The following SLC66A2 variants were observed in gnomAD, a reference collection of about 807,000 sequenced individuals.
SLC66A2 encodes the protein PQ loop repeat containing 1.
A neutral mutation model predicts 25.5 loss-of-function variants in SLC66A2; 23 were observed. That is an observed-to-expected ratio of 0.90 (90% CI 0.65 to 1.28). SLC66A2 has a LOEUF of 1.28. Among genes scored for constraint, SLC66A2 ranks in the 50% most tolerant of loss-of-function variants. The pLI, the probability that SLC66A2 is intolerant of heterozygous loss-of-function variation, is 0.00. For missense variants in SLC66A2, 396 were observed against 373.1 expected (o/e 1.06, Z -0.51); for synonymous variants, 193 against 166.5 (o/e 1.16, Z -1.23).
intron 2 of SLC66A2, among the ~76,000 whole-genome samples, chr18:79,949,145 G>A (rs1443625217): frequency 1.3e-5 from 2 of 152,154 alleles, no homozygotes; most frequent in Non-Finnish European, 2.9e-5. Context: ...TGGGGAAGAG[G>A]CAGCCAACCC....
intron 4 of SLC66A2, among the ~76,000 whole-genome samples, chr18:79,922,791 C>T (rs905577882): frequency 2.9e-5 from 3 of 104,774 alleles, no homozygotes; most frequent in African/African-American, 7.0e-5. Flanking sequence ...GCGGTGAGGT[C>T]GAGGGGGTTG....
intron 4 of SLC66A2, 28 bp from the exon 5 acceptor site, chr18:79,919,428 G>A (rs1307824746): frequency 1.3e-6 from 2 of 1,595,644 alleles, no homozygotes; most frequent in East Asian, 2.2e-5. Flanking sequence ...AGCAGCCTCA[G>A]CACAGCTTAG....
rs901879285 is a variant in SLC66A2, at chr18:79,918,264, T to C, written c.608+920A>G. Among the ~76,000 whole-genome samples the C allele has an allele frequency of 2.0e-4, 31 of 152,230 alleles. No individual in the cohort carries two copies. Among genetic ancestry groups the C allele is most frequent in the Non-Finnish European group, 1.5e-4 (10 of 68,034 alleles). On this transcript the variant is annotated intron_variant, in intron 5 of 5. Coordinates refer to ENST00000397778, the MANE Select transcript of SLC66A2 (RefSeq NM_025078.5). The surrounding 1 kb of genome is among the most constrained non-coding windows in gnomAD (Gnocchi z 4.0). ...ACGCGTCAGCCCCTCTCTTCCAGGC[T>C]GTTTCCCACAAATAACAAATCCAAG...
In SLC66A2 at chr18:79,919,399, G is replaced by A. The variant is rs747182588; in HGVS notation, c.393C>T (p.Asp131=). The A allele has an allele frequency of 1.2e-6, 2 of 1,612,570 alleles. No individual in the cohort carries two copies. Among genetic ancestry groups the A allele is most frequent in the Non-Finnish European group, 1.7e-6 (2 of 1,179,774 alleles). Residue 131 remains aspartate, a splice_region_variant and synonymous_variant, in exon 5 of 6, where the codon GAC becomes GAT. Coordinates refer to ENST00000397778, the MANE Select transcript of SLC66A2 (RefSeq NM_025078.5). ...VKVAPRRSFL[D]FDPHHFWQWS... The stretch of plus-strand genomic sequence containing the variant: ...ACTGCCAGAAGTGGTGGGGGTCGAA[G>A]TCTAGGGCGAGAGGGAGAAGCAGCC...
intron 5 of SLC66A2, among the ~76,000 whole-genome samples, chr18:79,907,350 G>GTTTTTTTTTTTTTTT (rs1365306799): frequency 1.2e-5 from 1 of 85,728 alleles, no homozygotes; most frequent in African/African-American, 3.7e-5. Context: ...TTTTTTTTTG[G>GTTTTTTTTTTTTTTT]TTGTTTTTTT....
intron 4 of SLC66A2, among the ~76,000 whole-genome samples, chr18:79,932,917 T>C (rs72982298): frequency 0.11 from 16,106 of 152,168 alleles, 1,035 homozygotes; most frequent in East Asian, 0.21. Flanking sequence ...TCTAAAAAGA[T>C]AGAAAAGGAG....
At chr18:79,933,856 G>T in intron 4 of SLC66A2, 113 bp downstream of exon 4, 1 of 904,846 alleles carries the variant, frequency 1.1e-6, no homozygotes, top group Non-Finnish European at 1.8e-6. Context: ...GGCCACGCTT[G>T]GTAAAGATGA....
chr18:79,919,257 C>G lies in SLC66A2; in HGVS notation c.535G>C (p.Val179Leu), dbSNP rs1984677495. Reference protein sequence around the residue: ...LFVETLGFLAVLTEAMLGVPQ... With the variant: ...LFVETLGFLALLTEAMLGVPQ... The stretch of plus-strand genomic sequence containing the variant: ...ACACCCAGCATGGCTTCGGTCAGCA[C>G]AGCCAGGAAGCCCAGGGTCTCCACA... Residue 179 changes from valine (V) to leucine (L), a missense_variant, in exon 5 of 6, where the codon GTG (valine) becomes CTG (leucine). By Grantham distance (32) the Val-to-Leu change is conservative. Coordinates refer to ENST00000397778, the MANE Select transcript of SLC66A2 (RefSeq NM_025078.5). The G allele has an allele frequency of 6.2e-6, 10 of 1,613,326 alleles. No homozygotes were observed. Among genetic ancestry groups the G allele is most frequent in the Non-Finnish European group, 8.5e-6 (10 of 1,180,024 alleles).
At chr18:79,945,391 A>C (rs1349971753) in intron 2 of SLC66A2, among the ~76,000 whole-genome samples, 1 of 152,162 alleles carries the variant, frequency 6.6e-6, no homozygotes, top group African/African-American at 2.4e-5. Context: ...CAAGCAGACA[A>C]GCTGCATCTC....
chr18:79,912,619 G>T lies in SLC66A2; in HGVS notation c.608+6565C>A, dbSNP rs138592418. ...GGGAAGTGGAGGAGTGGCAGCGGGG[G>T]TGAGGAGGCTGGGGCGGTGGGAATG... is the stretch of plus-strand genomic sequence containing the variant. On this transcript the variant is annotated intron_variant, in intron 5 of 5. Coordinates refer to ENST00000397778, the MANE Select transcript of SLC66A2 (RefSeq NM_025078.5). 3.6e-3 allele frequency among the ~76,000 whole-genome samples: 545 copies of T among 152,284 alleles called. 1 individual carries two copies. Among genetic ancestry groups the T allele is most frequent in the African/African-American group, 0.013 (522 of 41,552 alleles).
At chr18:79,919,970 A>G (rs1401402071) in intron 4 of SLC66A2, among the ~76,000 whole-genome samples, 1 of 7,892 alleles carries the variant, frequency 1.3e-4, no homozygotes, top group African/African-American at 8.2e-4. Context: ...GAGGAGAGAC[A>G]GGAACCGAGG....
At chr18:79,926,802 T>C (rs1364957972) in intron 4 of SLC66A2, among the ~76,000 whole-genome samples, 2 of 152,186 alleles carry the variant, frequency 1.3e-5, no homozygotes, top group African/African-American at 4.8e-5. Flanking sequence ...GCTGCTTACC[T>C]GAATGACTTC....
At position 79,907,963 on chromosome 18, in the gene SLC66A2, T is replaced by TA. The variant is rs768960700; in HGVS notation, c.609-3781dup. On this transcript the variant is annotated intron_variant, in intron 5 of 5. Coordinates refer to ENST00000397778, the MANE Select transcript of SLC66A2 (RefSeq NM_025078.5). ...CAAAGTCTCCTTAGGATCAACATTT[T>TA]ATTACTTTAAGTGGAATGCAGAAGT... is the stretch of plus-strand genomic sequence containing the variant. Among the ~76,000 whole-genome samples the TA allele has an allele frequency of 1.5e-4, 23 of 152,278 alleles. No homozygotes were observed. The South Asian group carries it at 1.9e-3, about 12-fold the overall frequency.
chr18:79,928,680 C>G (rs1010072080), intron 4 of SLC66A2, among the ~76,000 whole-genome samples: 3 of 152,192 alleles, frequency 2.0e-5, no homozygotes, highest in African/African-American at 7.2e-5. Flanking sequence ...GACAAAAGCT[C>G]TACTCCCAGC....
Position 79,928,632 on chromosome 18 carries a change from T to C in SLC66A2, c.391+5337A>G, listed in dbSNP as rs557954195. 9.8e-4 allele frequency among the ~76,000 whole-genome samples: 149 copies of C among 152,268 alleles called. No homozygotes were observed. In the Middle Eastern group the frequency reaches 0.014, roughly 14 times the overall value. On this transcript the variant is annotated intron_variant, in intron 4 of 5. Transcript: ENST00000397778. ...AGTGGCAGCAGGAACAGCAACTTCG[T>C]GACACTTGGGCCACAACCTGCTTCC... is the stretch of plus-strand genomic sequence containing the variant.
Position 79,904,252 on chromosome 18 carries a change from C to T in SLC66A2, c.609-69G>A, listed in dbSNP as rs1981682735. 2 of 1,424,168 alleles carry T rather than the reference C, an allele frequency of 1.4e-6. No individual in the cohort carries two copies. The highest frequency in any genetic ancestry group is 1.7e-5 in the Admixed American group (1 of 57,270). 88.2% of individuals were successfully genotyped at this position (1,424,168 alleles called of 1,614,324 possible). A position where few individuals can be genotyped will look rare whatever the true frequency, so the allele number is the denominator to read the frequency against. ...ACCTGGGCTCAGTCAGTGGGGAGGCCTGGGGCTTAGACAGCGGGGAGACCT... is the reference window on the plus strand; with the variant it reads ...ACCTGGGCTCAGTCAGTGGGGAGGCTTGGGGCTTAGACAGCGGGGAGACCT... On this transcript the variant is annotated intron_variant, in intron 5 of 5. Coordinates refer to ENST00000397778, the MANE Select transcript of SLC66A2 (RefSeq NM_025078.5). This position sits in a 1 kb window ranked among gnomAD's most constrained non-coding sequence, Gnocchi z 6.3.
rs1414142335 is a variant in SLC66A2 at position 79,902,728 on chromosome 18, G to A, written c.*1248C>T. On this transcript the variant is annotated 3_prime_UTR_variant, in exon 6 of 6. Transcript: ENST00000397778. ...GGAAGCGGCCCCTCCACCTGCGGAA[G>A]GGAAGACGATGCCTGTTGGAGCCGC... 3.3e-5 allele frequency: 5 copies of A among 152,376 alleles called. No individual in the cohort carries two copies. The allele number at this position is 152,376 out of a possible 1,614,324, so 9.4% of individuals were successfully genotyped here. A position where few individuals can be genotyped will look rare whatever the true frequency, so the allele number is the denominator to read the frequency against.
At position 79,950,812 on chromosome 18, in the gene SLC66A2, C is replaced by T. The variant is rs775401070; in HGVS notation, c.115G>A (p.Asp39Asn). The change falls in exon 2 of 6, where the codon GAC (aspartate) becomes AAC (asparagine). Residue 39 changes from aspartate (D) to asparagine (N), a missense_variant. Asp to Asn is a conservative substitution (Grantham distance 23). Coordinates refer to ENST00000397778, the MANE Select transcript of SLC66A2 (RefSeq NM_025078.5). ...TCGGCGTTCTGCGTCCTGCGAATGT[C>T]CCGATACTGCGGGACGTAGGGCACC... ...GVVPYVPQYR[D>N]IRRTQNADGF... 1 of 1,613,022 alleles carries T rather than the reference C, an allele frequency of 6.2e-7. No homozygotes were observed. The highest frequency in any genetic ancestry group is 1.1e-5 in the South Asian group (1 of 91,070).
intron 5 of SLC66A2, among the ~76,000 whole-genome samples, chr18:79,913,904 C>A (rs1272484804): frequency 6.6e-6 from 1 of 152,184 alleles, no homozygotes; most frequent in Non-Finnish European, 1.5e-5. Flanking sequence ...CACCATTCGC[C>A]ACCAAAGTCT....
Sources: gnomAD v4.1 joint callset for allele counts (sites outside exome capture counted in the v4.1 genomes callset) on GRCh38, gnomAD v4.1.1 for gene constraint, Gnocchi (gnomAD v3.1) non-coding constraint, MANE v1.5 for transcripts, NCBI Gene and HGNC (gene_info 2026-07-23, HGNC 2026-07-21) for gene names.